Variants in TEK observed in about 807,000 individuals in gnomAD.
The protein encoded by TEK is TEK receptor tyrosine kinase.
In TEK, 43 loss-of-function variants were observed where a neutral mutation model predicts 131.8. The ratio of observed to expected loss-of-function variants is 0.33; its 90% CI spans 0.26 to 0.42. TEK has a LOEUF of 0.42. TEK is among the 10% of genes least tolerant of loss of function. The pLI, the probability that TEK is intolerant of heterozygous loss-of-function variation, is 1.00. For synonymous variants in TEK, 580 were observed against 491.6 expected (o/e 1.18, Z -2.38); for missense variants, 1,162 against 1,384.4 (o/e 0.84, Z 2.55).
intron 11 of TEK, among the ~76,000 whole-genome samples, chr9:27,196,972 C>G (rs1173414020): frequency 6.6e-6 from 1 of 151,548 alleles, no homozygotes; most frequent in African/African-American, 2.4e-5. Context: ...ATTAACTCGT[C>G]ATTTAACTTT....
intron 1 of TEK, among the ~76,000 whole-genome samples, chr9:27,124,747 A>T (rs4242698): frequency 6.6e-6 from 1 of 152,138 alleles, no homozygotes; most frequent in African/African-American, 2.4e-5. Context: ...GGGAGGAGCA[A>T]GTAATTCAGG....
intron 1 of TEK, among the ~76,000 whole-genome samples, chr9:27,119,777 CA>C (rs1468243796): frequency 6.6e-6 from 1 of 152,174 alleles, no homozygotes; most frequent in Non-Finnish European, 1.5e-5. Flanking sequence ...TCATTTATCC[CA>C]AACCTATTGA....
chr9:27,113,731 C>T (rs1262157371), intron 1 of TEK, among the ~76,000 whole-genome samples: 1 of 152,224 alleles, frequency 6.6e-6, no homozygotes, highest in East Asian at 1.9e-4. Flanking sequence ...GATGCTGTCT[C>T]TTTCTACAAA....
chr9:27,215,407 T>G (rs1219233348), intron 18 of TEK, among the ~76,000 whole-genome samples: 1 of 152,108 alleles, frequency 6.6e-6, no homozygotes, highest in East Asian at 1.9e-4. Flanking sequence ...GAGAACACAG[T>G]GGCTACCTTC....
At chr9:27,136,273 G>A (rs1488511465) in intron 1 of TEK, among the ~76,000 whole-genome samples, 1 of 152,012 alleles carries the variant, frequency 6.6e-6, no homozygotes, top group African/African-American at 2.4e-5. Context: ...ATAGAGACGA[G>A]GTTTCACCAT....
intron 21 of TEK, among the ~76,000 whole-genome samples, chr9:27,227,119 G>C (rs969750169): frequency 6.6e-6 from 1 of 152,124 alleles, no homozygotes; most frequent in African/African-American, 2.4e-5. Flanking sequence ...GCTGTTCTGG[G>C]ATCTGTGACA....
intron 1 of TEK, among the ~76,000 whole-genome samples, chr9:27,112,042 C>T (rs529320088): frequency 5.9e-5 from 9 of 152,090 alleles, no homozygotes; most frequent in South Asian, 2.1e-4. Flanking sequence ...GGACTACAGG[C>T]GTGCGCCACC....
At chr9:27,146,140 G>A (rs139235398) in intron 1 of TEK, among the ~76,000 whole-genome samples, 35 of 152,094 alleles carry the variant, frequency 2.3e-4, no homozygotes, top group East Asian at 2.1e-3. Flanking sequence ...TGTATGTACC[G>A]TTATTTATTT....
At chr9:27,201,976 G>C (rs1365021213) in intron 12 of TEK, among the ~76,000 whole-genome samples, 1 of 152,148 alleles carries the variant, frequency 6.6e-6, no homozygotes, top group African/African-American at 2.4e-5. Context: ...ATAAATGTAA[G>C]GTACAGTTAC....
chr9:27,192,076 G>A (rs969175731), intron 10 of TEK: 1 of 400,592 alleles, frequency 2.5e-6, no homozygotes, highest in Non-Finnish European at 4.9e-6. Flanking sequence ...TGGTCATTTT[G>A]AGCAAACCTC....
intron 1 of TEK, among the ~76,000 whole-genome samples, chr9:27,111,046 C>T (rs940700902): frequency 1.3e-5 from 2 of 152,112 alleles, no homozygotes; most frequent in South Asian, 2.1e-4. Context: ...GGTTAATACA[C>T]ACACAACTGT....
At chr9:27,212,497 G>A (rs1316942682) in intron 16 of TEK, among the ~76,000 whole-genome samples, 1 of 152,130 alleles carries the variant, frequency 6.6e-6, no homozygotes, top group Non-Finnish European at 1.5e-5. Flanking sequence ...GTGGGAAGGA[G>A]CAAAACCAAG....
chr9:27,134,508 T>C lies in TEK; in HGVS notation c.53-23323T>C, dbSNP rs563528849. Among the ~76,000 whole-genome samples, 30 of 152,340 alleles carry C rather than the reference T, an allele frequency of 2.0e-4. 1 individual carries two copies. In the South Asian group the frequency reaches 6.2e-3, roughly 32 times the overall value. On this transcript the variant is annotated intron_variant, in intron 1 of 22. Transcript: ENST00000380036. Reference sequence around the variant, plus strand: ...TACACAGTCTAAGAACTAAAATCAATTTAACCTAGTTTCTATCTCTTTTAT... The same window carrying C: ...TACACAGTCTAAGAACTAAAATCAACTTAACCTAGTTTCTATCTCTTTTAT...
At position 27,169,911 on chromosome 9, in the gene TEK, T is replaced by C. The variant is rs1374438037; in HGVS notation, c.628+282T>C. Among the ~76,000 whole-genome samples, 4 of 152,304 alleles carry C rather than the reference T, an allele frequency of 2.6e-5. No individual in the cohort carries two copies. The East Asian group carries it at 5.8e-4, about 22-fold the overall frequency. The stretch of plus-strand genomic sequence containing the variant: ...AAACTCAGGGCAAATCATTTTCTTT[T>C]CTCAGGGCAAATCATTTCTAATTTC... On this transcript the variant is annotated intron_variant, in intron 4 of 22. Coordinates refer to ENST00000380036, the MANE Select transcript of TEK (RefSeq NM_000459.5).
At chr9:27,195,453 C>A (rs1354851259) in intron 11 of TEK, among the ~76,000 whole-genome samples, 2 of 152,192 alleles carry the variant, frequency 1.3e-5, no homozygotes, top group Non-Finnish European at 2.9e-5. Flanking sequence ...TGCTCTATAT[C>A]TGTTTCTGTA....
chr9:27,202,809 T>C lies in TEK; in HGVS notation c.1910-11T>C. 1 of 1,613,528 alleles carries C rather than the reference T, an allele frequency of 6.2e-7. No individual in the cohort carries two copies. Among genetic ancestry groups the C allele is most frequent in the Non-Finnish European group, 8.5e-7 (1 of 1,179,502 alleles). ...TATCTTAAGTGAATCTTTTTTCTTTTTAATTTCTAGTTCTTCCTCCTCAAC... is the reference window on the plus strand; with the variant it reads ...TATCTTAAGTGAATCTTTTTTCTTTCTAATTTCTAGTTCTTCCTCCTCAAC... On this transcript the variant is annotated splice_polypyrimidine_tract_variant and intron_variant, in intron 12 of 22. Transcript: ENST00000380036.
At chr9:27,126,304 A>C (rs1564042049) in intron 1 of TEK, among the ~76,000 whole-genome samples, 2 of 152,236 alleles carry the variant, frequency 1.3e-5, no homozygotes, top group Admixed American at 1.3e-4. Context: ...ATGGCACTTC[A>C]GCACTAGACT....
At chr9:27,162,998 G>A (rs1286264830) in intron 2 of TEK, among the ~76,000 whole-genome samples, 1 of 152,236 alleles carries the variant, frequency 6.6e-6, no homozygotes, top group Non-Finnish European at 1.5e-5. Context: ...ACAGGCGTGA[G>A]CCAGTGCGCC....
chr9:27,167,390 G>T (rs1006657941), intron 2 of TEK, among the ~76,000 whole-genome samples: 1 of 152,136 alleles, frequency 6.6e-6, no homozygotes, highest in South Asian at 2.1e-4. Flanking sequence ...ACCGTGCCCG[G>T]CTAATTTTTG....
Sources: gnomAD v4.1 joint callset for allele counts (sites outside exome capture counted in the v4.1 genomes callset) on GRCh38, gnomAD v4.1.1 for gene constraint, MANE v1.5 for transcripts, NCBI Gene and HGNC (gene_info 2026-07-23, HGNC 2026-07-21) for gene names.